The following PAM variants were observed in gnomAD, a reference collection of about 807,000 sequenced individuals.
PAM encodes the protein peptidyl-glycine alpha-amidating monooxygenase.
PAM carries 72 observed loss-of-function variants against 122.1 expected under a neutral mutation model. The ratio of observed to expected loss-of-function variants is 0.59; its 90% CI spans 0.49 to 0.72. The LOEUF (loss-of-function observed/expected upper bound fraction) is 0.72, where lower values mean the gene tolerates loss of function less well. Among genes scored for constraint, PAM ranks in the 30% least tolerant of loss-of-function variants. The pLI, the probability that PAM is intolerant of heterozygous loss-of-function variation, is 0.00. For missense variants in PAM, 1,106 were observed against 1,183.7 expected (o/e 0.93, Z 0.96); for synonymous variants, 389 against 404.4 (o/e 0.96, Z 0.46).
At chr5:102,787,766 T>C (rs1160453459) in intron 1 of PAM, among the ~76,000 whole-genome samples, 1 of 151,934 alleles carries the variant, frequency 6.6e-6, no homozygotes, top group Non-Finnish European at 1.5e-5. Flanking sequence ...ATAGAGCATT[T>C]CAGAGAAAAA....
intron 1 of PAM, among the ~76,000 whole-genome samples, chr5:102,854,401 G>A (rs1044983310): frequency 5.3e-5 from 8 of 152,188 alleles, no homozygotes; most frequent in African/African-American, 1.7e-4. Flanking sequence ...GGCAAATGCT[G>A]GGTATTTCAC....
At chr5:102,778,387 A>G (rs1400664538) in intron 1 of PAM, among the ~76,000 whole-genome samples, 1 of 152,216 alleles carries the variant, frequency 6.6e-6, no homozygotes. Context: ...GGAGCATTCA[A>G]TTAATGTTTA....
upstream of PAM, chr5:102,755,256 C>T (rs1221668994): frequency 1.3e-5 from 2 of 152,182 alleles, no homozygotes; most frequent in Non-Finnish European, 2.9e-5. Flanking sequence ...CCTGTCCCCG[C>T]CCAGGGAGCC....
intron 1 of PAM, among the ~76,000 whole-genome samples, chr5:102,820,025 A>T (rs1771256655): frequency 6.6e-6 from 1 of 152,216 alleles, no homozygotes; most frequent in African/African-American, 2.4e-5. Context: ...TATGCAAAAA[A>T]TACATATATT....
intron 1 of PAM, among the ~76,000 whole-genome samples, chr5:102,859,556 A>C (rs1783566474): frequency 1.3e-5 from 2 of 152,286 alleles, no homozygotes; most frequent in African/African-American, 4.8e-5. Flanking sequence ...TGAAGTAAAA[A>C]GCTACACTGC....
At chr5:102,956,865 A>AT (rs200689407) in intron 12 of PAM, among the ~76,000 whole-genome samples, 2 of 151,834 alleles carry the variant, frequency 1.3e-5, no homozygotes, top group Non-Finnish European at 2.9e-5. Flanking sequence ...TTTTAGTACA[A>AT]TTTTTTTTCA....
intron 1 of PAM, among the ~76,000 whole-genome samples, chr5:102,781,090 ATCTG>A (rs1758831074): frequency 6.6e-6 from 1 of 152,104 alleles, no homozygotes; most frequent in Non-Finnish European, 1.5e-5. Flanking sequence ...AGCTCCAAAA[ATCTG>A]TCATGAGAAT....
intron 1 of PAM, among the ~76,000 whole-genome samples, chr5:102,859,603 A>G (rs1169618914): frequency 6.6e-6 from 1 of 152,170 alleles, no homozygotes; most frequent in African/African-American, 2.4e-5. Flanking sequence ...TATTTTTAAA[A>G]TAAATTTAGT....
chr5:102,925,206 T>A (rs1749003629), intron 6 of PAM, among the ~76,000 whole-genome samples, 164 bp downstream of exon 6: 1 of 152,252 alleles, frequency 6.6e-6, no homozygotes, highest in Admixed American at 6.5e-5. Context: ...AGGTTTCATT[T>A]AGGTAGTTAC....
chr5:102,987,559 A>G (rs1461223337), intron 15 of PAM: 3 of 455,958 alleles, frequency 6.6e-6, no homozygotes, highest in African/African-American at 4.0e-5. Context: ...CAAAGAAATG[A>G]TAAGTGTTCA....
intron 7 of PAM, among the ~76,000 whole-genome samples, chr5:102,945,756 G>A (rs1374915053): frequency 1.3e-5 from 2 of 151,054 alleles, no homozygotes; most frequent in African/African-American, 4.9e-5. Context: ...TTCATTTTCT[G>A]TACAGTTCTT....
At position 102,799,499 on chromosome 5, in the gene PAM, C is replaced by A. The variant is rs182961528; in HGVS notation, c.-374+44151C>A. On this transcript the variant is annotated intron_variant, in intron 1 of 25. Coordinates refer to ENST00000438793, the MANE Select transcript of PAM (RefSeq NM_001177306.2). The stretch of plus-strand genomic sequence containing the variant: ...CCAATCAGTTTTAACTATTTCAAGG[C>A]TGGTCCCTTTGGGCAAATAAGTTAT... 8.0e-4 allele frequency among the ~76,000 whole-genome samples: 122 copies of A among 152,298 alleles called. 1 individual carries two copies. The highest frequency in any genetic ancestry group is 3.2e-3 in the Admixed American group (49 of 15,288).
At chr5:102,955,642 T>C (rs138970996) in intron 12 of PAM, among the ~76,000 whole-genome samples, 24 of 152,234 alleles carry the variant, frequency 1.6e-4, no homozygotes, top group East Asian at 1.3e-3. Context: ...ATAAATGCAC[T>C]ACTGTAATTT....
intron 1 of PAM, among the ~76,000 whole-genome samples, chr5:102,801,342 G>A (rs982562600): frequency 6.6e-5 from 10 of 152,130 alleles, no homozygotes; most frequent in Non-Finnish European, 1.0e-4. Flanking sequence ...TTCACAGCCC[G>A]CAGATTATAG....
chr5:102,761,060 G>T (rs1046362237), intron 1 of PAM, among the ~76,000 whole-genome samples: 2 of 152,168 alleles, frequency 1.3e-5, no homozygotes, highest in Admixed American at 6.5e-5. Flanking sequence ...AACAGTGAGG[G>T]TCTGGAGCAT....
At chr5:102,975,974 G>A (rs372413480) in intron 15 of PAM, among the ~76,000 whole-genome samples, 2 of 152,136 alleles carry the variant, frequency 1.3e-5, no homozygotes, top group Admixed American at 6.5e-5. Context: ...GTTTTTCTAC[G>A]AAATAAATCC....
intron 3 of PAM, among the ~76,000 whole-genome samples, chr5:102,898,356 A>C (rs1011115506): frequency 4.0e-5 from 6 of 151,576 alleles, no homozygotes; most frequent in Non-Finnish European, 7.4e-5. Flanking sequence ...CACAGAGAGA[A>C]AAAGAGGATT....
intron 16 of PAM, among the ~76,000 whole-genome samples, chr5:102,997,522 A>G (rs1296730481): frequency 1.3e-5 from 2 of 152,174 alleles, no homozygotes; most frequent in Non-Finnish European, 2.9e-5. Context: ...CTCAAAAAAA[A>G]AAATTACTCT....
intron 1 of PAM, among the ~76,000 whole-genome samples, chr5:102,805,788 A>G (rs1766063519): frequency 6.6e-6 from 1 of 152,238 alleles, no homozygotes; most frequent in African/African-American, 2.4e-5. Context: ...AGACACTGTG[A>G]CAGTGTTGCA....
Sources: allele counts gnomAD v4.1 joint callset (sites outside exome capture counted in the v4.1 genomes callset), GRCh38; gene constraint gnomAD v4.1.1; transcripts MANE v1.5; gene names NCBI Gene and HGNC (gene_info 2026-07-23, HGNC 2026-07-21).